The following ERBB4 variants were observed in gnomAD, a reference collection of about 807,000 sequenced individuals.
ERBB4 encodes the protein erb-b2 receptor tyrosine kinase 4, also known as receptor tyrosine-protein kinase erbB-4.
A neutral mutation model predicts 158.0 loss-of-function variants in ERBB4; 42 were observed. The observed-to-expected ratio is 0.27, with a 90% CI of 0.21 to 0.34. ERBB4 has a LOEUF of 0.34. ERBB4 is among the 10% of genes least tolerant of loss of function. ERBB4 has a pLI of 1.00. For missense variants in ERBB4, 1,333 were observed against 1,624.1 expected (o/e 0.82, Z 3.08); for synonymous variants, 583 against 558.7 (o/e 1.04, Z -0.61).
intron 1 of ERBB4, among the ~76,000 whole-genome samples, chr2:212,195,032 G>C (rs1466691277): frequency 2.0e-5 from 3 of 151,886 alleles, no homozygotes; most frequent in Non-Finnish European, 4.4e-5. Context: ...ATGCTACTTT[G>C]AGAAGCTGAA....
intron 1 of ERBB4, among the ~76,000 whole-genome samples, chr2:212,356,734 T>G (rs1392642752): frequency 6.6e-6 from 1 of 151,456 alleles, no homozygotes; most frequent in Non-Finnish European, 1.5e-5. Context: ...AAAAAAACAT[T>G]CCTTGATAAA....
intron 1 of ERBB4, among the ~76,000 whole-genome samples, chr2:212,429,528 C>T (rs1191160651): frequency 6.6e-6 from 1 of 152,172 alleles, no homozygotes; most frequent in Non-Finnish European, 1.5e-5. Context: ...TTTCATATGA[C>T]AGTTACCAAA....
intron 1 of ERBB4, among the ~76,000 whole-genome samples, chr2:212,315,143 T>G (rs10804204): frequency 0.78 from 118,021 of 151,144 alleles, 47,950 homozygotes; most frequent in Non-Finnish European, 0.9. Flanking sequence ...TTAATTTTTT[T>G]TAATATTTGA....
intron 2 of ERBB4, among the ~76,000 whole-genome samples, chr2:211,992,737 C>T (rs776424633): frequency 6.6e-6 from 1 of 152,262 alleles, no homozygotes; most frequent in Admixed American, 6.5e-5. Context: ...CCTCTTTACT[C>T]GGATACCAGG....
intron 20 of ERBB4, among the ~76,000 whole-genome samples, chr2:211,459,762 G>A (rs1433207100): frequency 6.6e-6 from 1 of 152,002 alleles, no homozygotes; most frequent in Non-Finnish European, 1.5e-5. Flanking sequence ...ACCCAGCCTT[G>A]GGTAACTTTA....
intron 1 of ERBB4, among the ~76,000 whole-genome samples, chr2:212,482,377 A>G (rs1412764612): frequency 1.3e-5 from 2 of 152,234 alleles, no homozygotes; most frequent in Non-Finnish European, 2.9e-5. Context: ...GAAATGTGGT[A>G]TATCAATCAG....
chr2:211,416,629 C>A (rs914249890), intron 25 of ERBB4, among the ~76,000 whole-genome samples: 5 of 152,144 alleles, frequency 3.3e-5, no homozygotes, highest in African/African-American at 9.7e-5. Flanking sequence ...ACTTGTATAA[C>A]AATCAGCTCC....
At chr2:211,814,207 C>T (rs2076826947) in intron 3 of ERBB4, among the ~76,000 whole-genome samples, 1 of 151,972 alleles carries the variant, frequency 6.6e-6, no homozygotes, top group African/African-American at 2.4e-5. Context: ...GACAAAATAC[C>T]ATCCTTAACA....
intron 1 of ERBB4, among the ~76,000 whole-genome samples, chr2:212,293,708 C>T (rs148067263): frequency 0.17 from 25,084 of 151,538 alleles, 2,219 homozygotes; most frequent in South Asian, 0.3. Flanking sequence ...ATTAGCTGGG[C>T]ATGGTGGTGC....
At chr2:211,389,198 G>A (rs1221394757) in intron 25 of ERBB4, among the ~76,000 whole-genome samples, 1 of 152,064 alleles carries the variant, frequency 6.6e-6, no homozygotes, top group African/African-American at 2.4e-5. Context: ...ACCACGCCTG[G>A]ATAATTTTTT....
At chr2:211,518,860 T>C (rs539270803) in intron 20 of ERBB4, among the ~76,000 whole-genome samples, 3 of 152,084 alleles carry the variant, frequency 2.0e-5, no homozygotes, top group South Asian at 2.1e-4. Context: ...ACAGGTAGAG[T>C]GTTTAGCATC....
At chr2:212,103,364 C>G (rs2079136550) in intron 2 of ERBB4, among the ~76,000 whole-genome samples, 1 of 151,904 alleles carries the variant, frequency 6.6e-6, no homozygotes, top group East Asian at 1.9e-4. Context: ...CTAGTACCTA[C>G]AGTTAAACCT....
intron 1 of ERBB4, among the ~76,000 whole-genome samples, chr2:212,472,252 C>T (rs557357529): frequency 3.2e-5 from 4 of 124,040 alleles, no homozygotes; most frequent in Admixed American, 7.6e-5. Context: ...AGAGAGAGGA[C>T]GCTAAAATGC....
At chr2:211,706,993 A>C (rs2106058478) in intron 9 of ERBB4, among the ~76,000 whole-genome samples, 1 of 152,324 alleles carries the variant, frequency 6.6e-6, no homozygotes, top group South Asian at 2.1e-4. Flanking sequence ...TATACAGAGG[A>C]AATATCAGCT....
At chr2:212,192,069 A>G (rs1427886236) in intron 1 of ERBB4, among the ~76,000 whole-genome samples, 1 of 103,402 alleles carries the variant, frequency 9.7e-6, no homozygotes, top group Non-Finnish European at 1.9e-5. Flanking sequence ...TATATGTTAT[A>G]TGTTATATAT....
chr2:212,093,298 T>C (rs1575620760), intron 2 of ERBB4, among the ~76,000 whole-genome samples: 2 of 152,214 alleles, frequency 1.3e-5, no homozygotes, highest in East Asian at 3.9e-4. Context: ...TTAAACTTAA[T>C]GAAAGTCCTA....
At chr2:212,197,387 T>C (rs1237553476) in intron 1 of ERBB4, among the ~76,000 whole-genome samples, 1 of 152,152 alleles carries the variant, frequency 6.6e-6, no homozygotes, top group Non-Finnish European at 1.5e-5. Context: ...TAGAACTTTG[T>C]GGATTTTAGA....
chr2:211,716,362 C>CAAAAAAAAAAAAAAA (rs534486221), intron 7 of ERBB4, among the ~76,000 whole-genome samples: 5 of 69,288 alleles, frequency 7.2e-5, no homozygotes, highest in African/African-American at 4.3e-4. Context: ...AACTCTGTCT[C>CAAAAAAAAAAAAAAA]AAAAAAAAAA....
intron 3 of ERBB4, among the ~76,000 whole-genome samples, chr2:211,937,715 A>C (rs1345060058): frequency 6.6e-6 from 1 of 152,086 alleles, no homozygotes; most frequent in Non-Finnish European, 1.5e-5. Flanking sequence ...TGTGAGAACT[A>C]ACTCACTATC....
Sources: gnomAD v4.1 joint callset for allele counts (sites outside exome capture counted in the v4.1 genomes callset) on GRCh38, gnomAD v4.1.1 for gene constraint, MANE v1.5 for transcripts, NCBI Gene and HGNC (gene_info 2026-07-23, HGNC 2026-07-21) for gene names.